The following LRRTM4 variants were observed in gnomAD, a reference collection of about 807,000 sequenced individuals.
LRRTM4 encodes leucine rich repeat transmembrane neuronal 4, also known as leucine-rich repeat transmembrane neuronal protein 4.
In LRRTM4, 25 loss-of-function variants were observed where a neutral mutation model predicts 47.6. The ratio of observed to expected loss-of-function variants is 0.53; its 90% CI spans 0.38 to 0.73. The LOEUF (loss-of-function observed/expected upper bound fraction) is 0.73, where lower values mean the gene tolerates loss of function less well. Ranked by LOEUF, LRRTM4 falls within the 30% of genes least tolerant of loss-of-function variation. The probability of loss-of-function intolerance (pLI) is 0.00; values close to 1 mark genes in which losing one functional copy is unlikely to be tolerated. For missense variants in LRRTM4, 638 were observed against 713.4 expected (o/e 0.89, Z 1.20); for synonymous variants, 311 against 269.5 (o/e 1.15, Z -1.51).
chr2:77,021,022 T>C (rs1678247979), intron 3 of LRRTM4, among the ~76,000 whole-genome samples: 1 of 152,152 alleles, frequency 6.6e-6, no homozygotes, highest in Admixed American at 6.5e-5. Context: ...GGTATATAAC[T>C]CAGTTTTTCA....
At chr2:77,063,255 G>T (rs1340393323) in intron 3 of LRRTM4, among the ~76,000 whole-genome samples, 1 of 152,150 alleles carries the variant, frequency 6.6e-6, no homozygotes, top group African/African-American at 2.4e-5. Context: ...ACTGCGCCCG[G>T]CCTCCCCTTG....
intron 3 of LRRTM4, among the ~76,000 whole-genome samples, chr2:77,323,439 C>A (rs12469953): frequency 0.053 from 8,118 of 152,116 alleles, 307 homozygotes; most frequent in African/African-American, 0.097. Flanking sequence ...TTGGAGTCCA[C>A]CCTACGTTTG....
intron 3 of LRRTM4, among the ~76,000 whole-genome samples, chr2:77,013,034 G>A (rs1573450682): frequency 6.6e-6 from 1 of 152,214 alleles, no homozygotes; most frequent in Admixed American, 6.5e-5. Context: ...AACAGGATGA[G>A]TGCATGCATA....
At chr2:76,898,089 TG>T (rs1673484480) in intron 3 of LRRTM4, among the ~76,000 whole-genome samples, 1 of 152,172 alleles carries the variant, frequency 6.6e-6, no homozygotes, top group Non-Finnish European at 1.5e-5. Context: ...AGAGCACAAG[TG>T]AGTGGTAAGC....
At chr2:76,756,478 T>C (rs1188307018) in intron 3 of LRRTM4, among the ~76,000 whole-genome samples, 1 of 152,182 alleles carries the variant, frequency 6.6e-6, no homozygotes, top group Non-Finnish European at 1.5e-5. Context: ...CTCTCTCATA[T>C]TGAATTAGAA....
At chr2:77,031,952 CCTCTTT>C (rs1211860418) in intron 3 of LRRTM4, among the ~76,000 whole-genome samples, 3 of 152,100 alleles carry the variant, frequency 2.0e-5, no homozygotes, top group Non-Finnish European at 2.9e-5. Context: ...ATTGTCAACT[CCTCTTT>C]CTTCTATGCC....
chr2:76,973,673 C>T (rs1040781459), intron 3 of LRRTM4, among the ~76,000 whole-genome samples: 4 of 151,768 alleles, frequency 2.6e-5, no homozygotes, highest in African/African-American at 9.7e-5. Context: ...CTAATACAGG[C>T]GAATAACCCA....
chr2:77,267,460 A>G (rs182144721), intron 3 of LRRTM4, among the ~76,000 whole-genome samples: 346 of 152,270 alleles, frequency 2.3e-3, no homozygotes, highest in African/African-American at 8.1e-3. Flanking sequence ...TGGCAGAAGA[A>G]CAGAAGAGAG....
intron 3 of LRRTM4, among the ~76,000 whole-genome samples, chr2:77,177,961 T>C (rs765370486): frequency 6.6e-5 from 10 of 152,152 alleles, no homozygotes; most frequent in Non-Finnish European, 1.3e-4. Flanking sequence ...CAGTGAGAGA[T>C]CCAAAGGAGA....
At chr2:76,989,563 G>C (rs553397132) in intron 3 of LRRTM4, among the ~76,000 whole-genome samples, 1 of 151,882 alleles carries the variant, frequency 6.6e-6, no homozygotes, top group East Asian at 1.9e-4. Flanking sequence ...AGTTGAAAAT[G>C]CATGTTCTGG....
At chr2:77,075,665 C>T (rs1256964858) in intron 3 of LRRTM4, among the ~76,000 whole-genome samples, 1 of 151,752 alleles carries the variant, frequency 6.6e-6, no homozygotes. Context: ...CCTGTAATCC[C>T]AGCACTTTGG....
At chr2:77,100,354 C>A (rs1670920097) in intron 3 of LRRTM4, among the ~76,000 whole-genome samples, 1 of 152,142 alleles carries the variant, frequency 6.6e-6, no homozygotes, top group Non-Finnish European at 1.5e-5. Context: ...AAATTTCATA[C>A]AACATAATAG....
chr2:77,079,627 A>G lies in LRRTM4; in HGVS notation c.1552-330711T>C, dbSNP rs146269590. On this transcript the variant is annotated intron_variant, in intron 3 of 3. Coordinates refer to ENST00000409884, the MANE Select transcript of LRRTM4 (RefSeq NM_001134745.3). Reference sequence around the variant, plus strand: ...GCCCAATGAAACCAAAAGATTGGATACCCCTGCTGAATGACCTGCACATCT... The same window carrying G: ...GCCCAATGAAACCAAAAGATTGGATGCCCCTGCTGAATGACCTGCACATCT... Among the ~76,000 whole-genome samples, 16 of 152,284 alleles carry G rather than the reference A, an allele frequency of 1.1e-4. No homozygotes were observed. In the East Asian group the frequency reaches 2.3e-3, roughly 22 times the overall value.
intron 3 of LRRTM4, among the ~76,000 whole-genome samples, chr2:77,105,924 C>A (rs950361547): frequency 3.9e-5 from 6 of 152,024 alleles, no homozygotes; most frequent in Non-Finnish European, 5.9e-5. Context: ...TTTATAATTT[C>A]TTACTCAATT....
At chr2:77,213,818 T>C (rs1674362323) in intron 3 of LRRTM4, among the ~76,000 whole-genome samples, 1 of 152,110 alleles carries the variant, frequency 6.6e-6, no homozygotes, top group African/African-American at 2.4e-5. Context: ...AATTGATCCT[T>C]TGTTTGCTGA....
intron 3 of LRRTM4, among the ~76,000 whole-genome samples, chr2:77,258,278 C>T (rs1007928734): frequency 6.6e-6 from 1 of 151,982 alleles, no homozygotes; most frequent in Non-Finnish European, 1.5e-5. Flanking sequence ...TAGAAAATAG[C>T]TTGACAGTTT....
At chr2:76,974,705 G>A (rs893395040) in intron 3 of LRRTM4, among the ~76,000 whole-genome samples, 7 of 151,566 alleles carry the variant, frequency 4.6e-5, no homozygotes, top group Admixed American at 1.3e-4. Flanking sequence ...AAATTTGAGA[G>A]AATTAATTCA....
At chr2:77,208,304 C>T (rs565583626) in intron 3 of LRRTM4, among the ~76,000 whole-genome samples, 12 of 152,214 alleles carry the variant, frequency 7.9e-5, no homozygotes, top group East Asian at 1.9e-4. Context: ...CTCCCTTTCT[C>T]GCACACAGAA....
At chr2:77,190,148 A>G (rs542796703) in intron 3 of LRRTM4, among the ~76,000 whole-genome samples, 33 of 152,094 alleles carry the variant, frequency 2.2e-4, no homozygotes, top group African/African-American at 7.5e-4. Flanking sequence ...GGTCTAGTTT[A>G]TCAATCATTC....
Sources: allele counts gnomAD v4.1 joint callset (sites outside exome capture counted in the v4.1 genomes callset), GRCh38; gene constraint gnomAD v4.1.1; transcripts MANE v1.5; gene names NCBI Gene and HGNC (gene_info 2026-07-23, HGNC 2026-07-21).